The following CRTC1 variants were observed in gnomAD, a reference collection of about 807,000 sequenced individuals.
CRTC1 encodes CREB-regulated transcription coactivator 1.
In CRTC1, 18 loss-of-function variants were observed where a neutral mutation model predicts 66.1. The ratio of observed to expected loss-of-function variants is 0.27; its 90% CI spans 0.19 to 0.40. CRTC1 has a LOEUF of 0.40. CRTC1 is among the 10% of genes least tolerant of loss of function. The pLI, the probability that CRTC1 is intolerant of heterozygous loss-of-function variation, is 1.00. For synonymous variants in CRTC1, 416 were observed against 398.8 expected (o/e 1.04, Z -0.51); for missense variants, 669 against 887.9 (o/e 0.75, Z 3.13).
At chr19:18,723,409 T>C (rs2145638147) in intron 1 of CRTC1, among the ~76,000 whole-genome samples, 1 of 152,332 alleles carries the variant, frequency 6.6e-6, no homozygotes, top group South Asian at 2.1e-4. Context: ...TCTCTTCCCA[T>C]CTGCCTTAGC....
intron 1 of CRTC1, among the ~76,000 whole-genome samples, chr19:18,727,587 A>AAG (rs2053789481): frequency 6.7e-6 from 1 of 149,604 alleles, no homozygotes; most frequent in African/African-American, 2.5e-5. Context: ...TCTCAAAAAA[A>AAG]AAAAAAAAAA....
chr19:18,712,431 T>C (rs1285115669), intron 1 of CRTC1, among the ~76,000 whole-genome samples: 1 of 151,886 alleles, frequency 6.6e-6, no homozygotes, highest in Non-Finnish European at 1.5e-5. Context: ...CTAATTTTTT[T>C]GTATTTTTAG....
intron 1 of CRTC1, among the ~76,000 whole-genome samples, chr19:18,706,180 GTCTTTTTTTTTTTTTTTTTT>G (rs2053259784): frequency 3.8e-5 from 1 of 26,362 alleles, no homozygotes; most frequent in Non-Finnish European, 7.7e-5. Context: ...TATTCCATTG[GTCTTTTTTTTTTTTTTTTTT>G]TTTTTTTTTT....
intron 10 of CRTC1, among the ~76,000 whole-genome samples, chr19:18,770,762 C>G (rs2054844589): frequency 6.7e-6 from 1 of 149,476 alleles, no homozygotes; most frequent in Non-Finnish European, 1.5e-5. Flanking sequence ...GGTGTGTGCA[C>G]ACGGTGTGTA....
chr19:18,718,597 C>T (rs1293160915), intron 1 of CRTC1, among the ~76,000 whole-genome samples: 1 of 152,098 alleles, frequency 6.6e-6, no homozygotes, highest in Non-Finnish European at 1.5e-5. Context: ...CCCTCCTCCG[C>T]CTCCCAAAGT....
intron 1 of CRTC1, among the ~76,000 whole-genome samples, chr19:18,700,921 G>A (rs1034351673): frequency 6.6e-6 from 1 of 151,892 alleles, no homozygotes; most frequent in Non-Finnish European, 1.5e-5. Flanking sequence ...GAGTCCTTTC[G>A]CATCTGTGCG....
chr19:18,748,063 C>T lies in CRTC1; in HGVS notation c.443+949C>T, dbSNP rs187707033. On this transcript the variant is annotated intron_variant, in intron 4 of 13. Coordinates refer to ENST00000321949, the MANE Select transcript of CRTC1 (RefSeq NM_015321.3). ...CTACAGTCCAGCCTGGGCCACAGAG[C>T]GAGACCCTGTCTCCAAGGCCTAAAA... is the stretch of plus-strand genomic sequence containing the variant. Among the ~76,000 whole-genome samples the T allele has an allele frequency of 5.4e-3, 820 of 152,044 alleles. 12 individuals carry two copies. Among genetic ancestry groups the T allele is most frequent in the Non-Finnish European group, 5.2e-3 (354 of 67,988 alleles).
intron 1 of CRTC1, among the ~76,000 whole-genome samples, chr19:18,705,107 C>CA (rs139331493): frequency 0.034 from 5,135 of 152,100 alleles, 311 homozygotes; most frequent in African/African-American, 0.12. Flanking sequence ...TGTAACGTGT[C>CA]AGAACGTCCT....
At chr19:18,745,240 T>G (rs1356694593) in intron 2 of CRTC1, among the ~76,000 whole-genome samples, 2 of 151,874 alleles carry the variant, frequency 1.3e-5, no homozygotes, top group Admixed American at 1.3e-4. Context: ...GTGCCTGGAG[T>G]GCCTGGAGGA....
intron 1 of CRTC1, among the ~76,000 whole-genome samples, chr19:18,708,442 C>G (rs1394464216): frequency 6.6e-6 from 1 of 152,144 alleles, no homozygotes; most frequent in Non-Finnish European, 1.5e-5. Flanking sequence ...CCCCGGGTTT[C>G]TGGCTTCTGT....
intron 3 of CRTC1, 71 bp from the exon 4 acceptor site, chr19:18,746,982 G>T: frequency 2.0e-6 from 3 of 1,483,934 alleles, no homozygotes; most frequent in Non-Finnish European, 1.9e-6. Flanking sequence ...GGGGCTTCCT[G>T]CCCTGGGCTG....
intron 7 of CRTC1, 41 bp from the exon 8 acceptor site, chr19:18,759,967 C>T: frequency 1.7e-6 from 2 of 1,206,486 alleles, no homozygotes; most frequent in South Asian, 1.6e-5. Context: ...CCAGCCCCGC[C>T]CCATGAGCTC....
intron 13 of CRTC1, among the ~76,000 whole-genome samples, chr19:18,776,956 G>C (rs1230540562): frequency 1.3e-5 from 2 of 152,132 alleles, no homozygotes; most frequent in Non-Finnish European, 2.9e-5. Context: ...TGACATCTAG[G>C]GCCAGACTGG....
intron 1 of CRTC1, among the ~76,000 whole-genome samples, chr19:18,735,042 G>A (rs566754275): frequency 2.6e-5 from 4 of 152,364 alleles, no homozygotes; most frequent in African/African-American, 7.2e-5. Context: ...AACACGCACA[G>A]GTGATGGCGA....
intron 7 of CRTC1, 53 bp from the exon 8 acceptor site, chr19:18,759,955 C>CACCA: frequency 7.1e-7 from 1 of 1,410,134 alleles, no homozygotes; most frequent in Non-Finnish European, 9.7e-7. Flanking sequence ...CTGTCCCCGC[C>CACCA]GCCAGCCCCG....
chr19:18,752,645 CTT>C (rs910534597), intron 5 of CRTC1, among the ~76,000 whole-genome samples: 6 of 142,956 alleles, frequency 4.2e-5, no homozygotes, highest in African/African-American at 2.5e-5. Context: ...CTCTTTCTTT[CTT>C]TTTTTTTTTT....
chr19:18,721,280 G>A (rs1217196940), intron 1 of CRTC1, among the ~76,000 whole-genome samples: 2 of 148,678 alleles, frequency 1.3e-5, no homozygotes, highest in Non-Finnish European at 3.0e-5. Flanking sequence ...TGCAAGCTCC[G>A]CCTCCTGGGT....
At chr19:18,746,007 T>G (rs1461265497) in intron 3 of CRTC1, 47 bp downstream of exon 3, 3 of 1,562,986 alleles carry the variant, frequency 1.9e-6, no homozygotes, top group Non-Finnish European at 2.6e-6. Context: ...GCCCTGTCGG[T>G]GCCGGCAGGA....
rs3746267 is a variant in CRTC1 at position 18,765,482 on chromosome 19, G to A, written c.965G>A (p.Arg322His). The A allele has an allele frequency of 6.1e-4, 981 of 1,611,064 alleles. 4 individuals are homozygous for A. The highest frequency in any genetic ancestry group is 5.1e-3 in the East Asian group (230 of 44,870). Residue 322 changes from arginine to histidine, a missense_variant, in exon 9 of 14, where the codon CGT (arginine) becomes CAT (histidine). Arg to His is a conservative substitution (Grantham distance 29). Transcript: ENST00000321949. ...SPLSLSTEAR[R>H]QQASPTLSPL... ...CTGTCCCTGAGCACAGAGGCAAGGC[G>A]TCAGCAGGCATCGCCCACCCTGTCC...
Sources: gnomAD v4.1 joint callset for allele counts (sites outside exome capture counted in the v4.1 genomes callset) on GRCh38, gnomAD v4.1.1 for gene constraint, MANE v1.5 for transcripts, NCBI Gene and HGNC (gene_info 2026-07-23, HGNC 2026-07-21) for gene names.